AMOTL2: variants seen among roughly 807,000 people sequenced by gnomAD.
AMOTL2 encodes angiomotin-like protein 2.
Under a neutral mutation model 78.4 loss-of-function variants are expected in AMOTL2, and 33 were observed. The observed-to-expected ratio is 0.42, with a 90% CI of 0.32 to 0.56. The LOEUF is 0.56. Among genes scored for constraint, AMOTL2 ranks in the 20% least tolerant of loss-of-function variants. The probability of loss-of-function intolerance (pLI) is 0.12; values close to 1 mark genes in which losing one functional copy is unlikely to be tolerated. For synonymous variants in AMOTL2, 422 were observed against 428.8 expected (o/e 0.98, Z 0.20); for missense variants, 983 against 1,030.1 (o/e 0.95, Z 0.63).
At chr3:134,359,881 C>T (rs923358067) in intron 7 of AMOTL2, among the ~76,000 whole-genome samples, 1 of 152,242 alleles carries the variant, frequency 6.6e-6, no homozygotes, top group Non-Finnish European at 1.5e-5. Flanking sequence ...CACCCAACAC[C>T]TCCACAGTAA....
intron 6 of AMOTL2, 59 bp downstream of exon 6, chr3:134,361,453 G>A (rs1220503822): frequency 4.0e-6 from 6 of 1,502,542 alleles, no homozygotes; most frequent in Admixed American, 4.0e-5. Flanking sequence ...AGTCCCCGAG[G>A]AGGAAGGGAA....
At chr3:134,358,852 T>A in intron 8 of AMOTL2, 133 bp from the exon 9 acceptor site, 3 of 1,030,106 alleles carry the variant, frequency 2.9e-6, no homozygotes, top group Non-Finnish European at 4.3e-6. Context: ...ACTTTAAGAC[T>A]AAAAATGCTC....
At chr3:134,374,901 CTGTGTGTGTG>C (rs749884597), upstream of AMOTL2, 22 of 1,170,150 alleles carry the variant, frequency 1.9e-5, no homozygotes, top group Non-Finnish European at 2.4e-5. Context: ...GGGACTCCGG[CTGTGTGTGTG>C]TGTGTGTGTG....
chr3:134,367,873 G>A lies in AMOTL2; in HGVS notation c.735-70C>T, dbSNP rs548583724. ...ATGGCTCCCACCAGAGCAGCCCGGG[G>A]TCACCCCACTCCTAGGCATACTGGG... On this transcript the variant is annotated intron_variant, in intron 2 of 9. Coordinates refer to ENST00000249883, the MANE Select transcript of AMOTL2 (RefSeq NM_016201.4). The A allele has an allele frequency of 2.2e-4, 319 of 1,429,590 alleles. 1 individual carries two copies. In the South Asian group the frequency reaches 3.7e-3, roughly 17 times the overall value. 88.6% of individuals were successfully genotyped at this position (1,429,590 alleles called of 1,614,324 possible). A position where few individuals can be genotyped will look rare whatever the true frequency, so the allele number is the denominator to read the frequency against.
chr3:134,371,746 TGAG>T, intron 1 of AMOTL2: 1 of 497,484 alleles, frequency 2.0e-6, no homozygotes, highest in East Asian at 3.3e-5. Context: ...CTCATGGAGA[TGAG>T]GAAAAAAAAA....
At chr3:134,375,009 G>A, upstream of AMOTL2, 1 of 1,433,880 alleles carries the variant, frequency 7.0e-7, no homozygotes, top group Non-Finnish European at 9.1e-7. Context: ...ACAGTGCCCC[G>A]GGCTAAGTGA....
chr3:134,373,266 G>A (rs1336206031), intron 1 of AMOTL2, among the ~76,000 whole-genome samples: 1 of 152,074 alleles, frequency 6.6e-6, no homozygotes, highest in African/African-American at 2.4e-5. Context: ...TTTTATCTGC[G>A]GGCATTTCCT....
At chr3:134,364,221 C>G (rs13075185) in intron 5 of AMOTL2, among the ~76,000 whole-genome samples, 2 of 151,792 alleles carry the variant, frequency 1.3e-5, no homozygotes, top group Admixed American at 6.5e-5. Flanking sequence ...GGGGGGCGGG[C>G]CGGGAGCGGA....
rs758190259 is a variant in AMOTL2, at chr3:134,358,574, C to G, written c.2250G>C (p.Leu750=). ...CTGCTCTCTGGCTACTGCTGCACCC[C>G]AGAAGGCTGTCAGGCTCCGGTGGCA... The part of the protein sequence containing the change: ...TCLPPEPDSL[L]GCSSSQRAAS... The change falls in exon 9 of 10, where the codon CTG becomes CTC. Residue 750 remains leucine, a synonymous_variant. Transcript: ENST00000249883. The G allele has an allele frequency of 1.2e-6, 2 of 1,614,140 alleles. No individual in the cohort carries two copies. Among genetic ancestry groups the G allele is most frequent in the Non-Finnish European group, 1.7e-6 (2 of 1,180,034 alleles).
At chr3:134,374,924 T>C (rs1366736574), upstream of AMOTL2, 19 of 1,130,478 alleles carry the variant, frequency 1.7e-5, no homozygotes, top group Non-Finnish European at 1.9e-5. Flanking sequence ...TGTGTGTGTG[T>C]GTGCGTGTGT....
chr3:134,361,887 C>T, intron 5 of AMOTL2, 80 bp from the exon 6 acceptor site: 2 of 1,217,012 alleles, frequency 1.6e-6, no homozygotes, highest in Non-Finnish European at 2.2e-6. Flanking sequence ...GTGCTGACCA[C>T]TGGATGAGCA....
rs2017257109 is a variant in AMOTL2, at chr3:134,359,641, A to C, written c.1884-138T>G. 3 of 696,228 alleles carry C rather than the reference A, an allele frequency of 4.3e-6. No homozygotes were observed. In the South Asian group the frequency reaches 5.7e-5, roughly 13 times the overall value. The allele number at this position is 696,228 out of a possible 1,614,324, so 43.1% of individuals were successfully genotyped here. On this transcript the variant is annotated intron_variant, in intron 7 of 9. Transcript: ENST00000249883. ...CCAGGCTGGATCCTTCTGTGCTTGT[A>C]GCAGGGACCCAGAGAGGGCTTAGAA...
Position 134,365,929 on chromosome 3 carries a change from G to T in AMOTL2, c.1187-20C>A, listed in dbSNP as rs1559800031. ...ATCTCTCTGTTTCAAGGGAAGGAAA[G>T]ATGTTTTAGTGTCAGGTGAAGCTGC... On this transcript the variant is annotated intron_variant, in intron 4 of 9. Coordinates refer to ENST00000249883, the MANE Select transcript of AMOTL2 (RefSeq NM_016201.4). The T allele has an allele frequency of 6.2e-7, 1 of 1,612,272 alleles. No individual in the cohort carries two copies.
At position 134,362,727 on chromosome 3, in the gene AMOTL2, G is replaced by A. The variant is rs2017427290; in HGVS notation, c.1280-920C>T. Among the ~76,000 whole-genome samples the A allele has an allele frequency of 2.0e-5, 3 of 152,172 alleles. No individual in the cohort carries two copies. In the South Asian group the frequency reaches 6.2e-4, roughly 32 times the overall value. ...TCAGAGGCCCTCTCCATAGGGCCAG[G>A]AGAAGCCCAAGCCAGACCACAGAGC... On this transcript the variant is annotated intron_variant, in intron 5 of 9. Transcript: ENST00000249883.
rs1437868756 is a variant in AMOTL2, at chr3:134,357,693, G to T, written c.*12C>A. ...GGAGAGAATGGCTCAGAGTCCTGAA[G>T]CACCACCTCCTTCAGATCAGTATCT... is the stretch of plus-strand genomic sequence containing the variant. On this transcript the variant is annotated 3_prime_UTR_variant, in exon 10 of 10. Coordinates refer to ENST00000249883, the MANE Select transcript of AMOTL2 (RefSeq NM_016201.4). 1 of 1,613,930 alleles carries T rather than the reference G, an allele frequency of 6.2e-7. No individual in the cohort carries two copies. The highest frequency in any genetic ancestry group is 1.3e-5 in the African/African-American group (1 of 74,906).
intron 6 of AMOTL2, among the ~76,000 whole-genome samples, chr3:134,361,260 G>C (rs1405291626): frequency 6.6e-6 from 1 of 152,178 alleles, no homozygotes; most frequent in African/African-American, 2.4e-5. Context: ...CTGCTGCCGA[G>C]GACAGGAGTC....
intron 1 of AMOTL2, 157 bp from the exon 2 acceptor site, chr3:134,371,651 G>C: frequency 8.1e-7 from 1 of 1,233,402 alleles, no homozygotes; most frequent in Non-Finnish European, 1.1e-6. Context: ...TCAAGTACCA[G>C]TGCTGCCATC....
At position 134,370,814 on chromosome 3, in the gene AMOTL2, C is replaced by CG; in HGVS notation, c.619dup (p.Arg207ProfsTer15). On this transcript the variant is annotated frameshift_variant, in exon 2 of 10. Transcript: ENST00000249883. LOFTEE classifies it high-confidence loss of function. Reference sequence around the variant, plus strand: ...ATGAGGGTACTGAGGTGGGGGTCCTCGGGACTCTGGGCCCTCAGCAGGGGG... The same window carrying CG: ...ATGAGGGTACTGAGGTGGGGGTCCTCGGGGACTCTGGGCCCTCAGCAGGGGG... The CG allele has an allele frequency of 6.4e-7, 1 of 1,571,214 alleles. No homozygotes were observed. The highest frequency in any genetic ancestry group is 8.6e-7 in the Non-Finnish European group (1 of 1,158,006).
chr3:134,360,403 C>T lies in AMOTL2; in HGVS notation c.1586G>A (p.Gly529Asp). The T allele has an allele frequency of 6.2e-7, 1 of 1,611,020 alleles. No homozygotes were observed. Among genetic ancestry groups the T allele is most frequent in the Non-Finnish European group, 8.5e-7 (1 of 1,178,372 alleles). The change falls in exon 7 of 10, where the codon GGT becomes GAT. Residue 529 changes from glycine (G) to aspartate (D), a missense_variant. Gly to Asp is a moderately conservative substitution (Grantham distance 94). Transcript: ENST00000249883. ...KALRAQQRQAGAPGGSSGSGG... is the reference protein window; with the variant it reads ...KALRAQQRQADAPGGSSGSGG... ...ACTGCCACTGCTACCACCTGGGGCA[C>T]CTGCCTGTCTCTGCAGAGCAAGGAG...
Sources: allele counts gnomAD v4.1 joint callset (sites outside exome capture counted in the v4.1 genomes callset), GRCh38; gene constraint gnomAD v4.1.1; transcripts MANE v1.5; gene names NCBI Gene and HGNC (gene_info 2026-07-23, HGNC 2026-07-21).